Variants in BST1 observed in about 807,000 individuals in gnomAD.
The protein encoded by BST1 is ADP-ribosyl cyclase/cyclic ADP-ribose hydrolase 2.
In BST1, 49 loss-of-function variants were observed where a neutral mutation model predicts 40.6. The ratio of observed to expected loss-of-function variants is 1.21; its 90% confidence interval spans 0.96 to 1.53. The LOEUF is 1.53. Ranked by LOEUF, BST1 falls within the 40% of genes most tolerant of loss-of-function variation. BST1 has a pLI of 0.00. For synonymous variants in BST1, 157 were observed against 159.3 expected (o/e 0.99, Z 0.11); for missense variants, 423 against 395.9 (o/e 1.07, Z -0.58).
intron 6 of BST1, among the ~76,000 whole-genome samples, chr4:15,716,286 TAAATGC>T (rs1206360424): frequency 2.6e-5 from 4 of 152,222 alleles, no homozygotes; most frequent in Non-Finnish European, 5.9e-5. Context: ...AGTTTACATG[TAAATGC>T]AAACTTAAAC....
chr4:15,712,997 A>G (rs1397899093), intron 4 of BST1, among the ~76,000 whole-genome samples: 1 of 152,162 alleles, frequency 6.6e-6, no homozygotes, highest in Non-Finnish European at 1.5e-5. Context: ...CCAGACTTCC[A>G]AGAGTGTGCT....
intron 8 of BST1, among the ~76,000 whole-genome samples, chr4:15,724,045 A>AGT (rs1225698427): frequency 1.3e-5 from 2 of 152,148 alleles, no homozygotes; most frequent in Non-Finnish European, 2.9e-5. Flanking sequence ...ATCCAACTCA[A>AGT]GTGTTCTTTG....
At chr4:15,755,455 A>T in the BST1 span, among the ~76,000 whole-genome samples, 3 of 152,162 alleles carry the variant, frequency 2.0e-5, no homozygotes, top group South Asian at 6.2e-4. Context: ...TCTTATAAAC[A>T]ATGCTGCAAT....
chr4:15,714,003 T>C (rs867317980), intron 4 of BST1, among the ~76,000 whole-genome samples: 25 of 152,152 alleles, frequency 1.6e-4, no homozygotes, highest in South Asian at 1.4e-3. Context: ...AGCGCCTGAC[T>C]CTGCACACAT....
chr4:15,746,625 AC>A, the BST1 span, among the ~76,000 whole-genome samples: 1 of 152,002 alleles, frequency 6.6e-6, no homozygotes, highest in Non-Finnish European at 1.5e-5. Flanking sequence ...TAAAGGCCCC[AC>A]CCCTTAATAT....
downstream of BST1, among the ~76,000 whole-genome samples, chr4:15,738,654 T>G (rs1478041741): frequency 6.6e-6 from 1 of 152,252 alleles, no homozygotes; most frequent in Non-Finnish European, 1.5e-5. Context: ...GCTTACCTGT[T>G]TGAAGTTCAG....
chr4:15,718,848 C>A, intron 6 of BST1, 59 bp from the exon 7 acceptor site: 2 of 1,451,068 alleles, frequency 1.4e-6, no homozygotes, highest in Non-Finnish European at 1.9e-6. Context: ...AACCCAGAAA[C>A]AACTTCCTCT....
At chr4:15,765,462 T>C in the BST1 span, among the ~76,000 whole-genome samples, 1 of 151,924 alleles carries the variant, frequency 6.6e-6, no homozygotes, top group South Asian at 2.1e-4. Context: ...CCGTTTCTGC[T>C]CAACAAACAG....
At chr4:15,753,748 CA>C in the BST1 span, among the ~76,000 whole-genome samples, 1 of 152,358 alleles carries the variant, frequency 6.6e-6, no homozygotes, top group South Asian at 2.1e-4. Context: ...ACACAGATAG[CA>C]CACTCAAATC....
At chr4:15,768,618 C>G in the BST1 span, among the ~76,000 whole-genome samples, 5 of 151,858 alleles carry the variant, frequency 3.3e-5, no homozygotes, top group South Asian at 6.2e-4. Flanking sequence ...CTCAGCCTCC[C>G]GAGTAGCTGG....
chr4:15,712,966 G>A (rs1458768575), intron 4 of BST1, among the ~76,000 whole-genome samples: 1 of 152,156 alleles, frequency 6.6e-6, no homozygotes, highest in East Asian at 1.9e-4. Flanking sequence ...AAGGAACCAT[G>A]TATTTTACCC....
chr4:15,743,562 C>T, the BST1 span: 1 of 359,130 alleles, frequency 2.8e-6, no homozygotes, highest in Non-Finnish European at 5.5e-6. Context: ...CTGGGAGATG[C>T]TGATGGCACA....
rs371156575 is a variant in BST1 at position 15,705,369 on chromosome 4, A to C, written c.189-146A>C. ...GATTTCTGAATCTGTCACCTAAGCCATGACAATTCGTTGTCTTTTTTGTAA... is the reference window on the plus strand; with the variant it reads ...GATTTCTGAATCTGTCACCTAAGCCCTGACAATTCGTTGTCTTTTTTGTAA... On this transcript the variant is annotated intron_variant, in intron 1 of 8. Transcript: ENST00000265016. 4.3e-6 allele frequency: 4 copies of C among 931,152 alleles called. No individual in the cohort carries two copies. In the African/African-American group the frequency reaches 6.7e-5, roughly 16 times the overall value. The allele number at this position is 931,152 out of a possible 1,614,324, so 57.7% of individuals were successfully genotyped here. A position where few individuals can be genotyped will look rare whatever the true frequency, so the allele number is the denominator to read the frequency against.
chr4:15,722,690 C>T (rs1420228435), intron 7 of BST1, among the ~76,000 whole-genome samples, 185 bp from the exon 8 acceptor site: 1 of 151,118 alleles, frequency 6.6e-6, no homozygotes, highest in African/African-American at 2.4e-5. Flanking sequence ...GCCTCAACCT[C>T]CCAAAGTGCT....
intron 8 of BST1, among the ~76,000 whole-genome samples, chr4:15,730,663 GC>G (rs1721325439): frequency 2.0e-5 from 3 of 152,308 alleles, no homozygotes; most frequent in East Asian, 1.9e-4. Context: ...GTCTAGAGAA[GC>G]TTTTTGCTCA....
intron 3 of BST1, among the ~76,000 whole-genome samples, 197 bp downstream of exon 3, chr4:15,707,843 C>CTT: frequency 9.3e-6 from 1 of 108,006 alleles, no homozygotes; most frequent in Non-Finnish European, 2.0e-5. Flanking sequence ...CACTCTCTCT[C>CTT]TCTCTCTCTC....
chr4:15,739,042 T>G (rs528375474), downstream of BST1, among the ~76,000 whole-genome samples: 6 of 152,316 alleles, frequency 3.9e-5, no homozygotes, highest in African/African-American at 1.4e-4. Flanking sequence ...CACAGGCATT[T>G]GAAACCCAGA....
intron 3 of BST1, among the ~76,000 whole-genome samples, chr4:15,708,689 G>C (rs532410771): frequency 3.5e-4 from 54 of 152,200 alleles, no homozygotes; most frequent in African/African-American, 1.2e-3. Flanking sequence ...GATTAGCCTG[G>C]CCAACATGAA....
chr4:15,739,213 G>T (rs1432944962), downstream of BST1, among the ~76,000 whole-genome samples: 6 of 152,204 alleles, frequency 3.9e-5, no homozygotes, highest in Non-Finnish European at 8.8e-5. Flanking sequence ...AATGAAGCAG[G>T]TTGGAAAATC....
Sources: gnomAD v4.1 joint callset for allele counts (sites outside exome capture counted in the v4.1 genomes callset) on GRCh38, gnomAD v4.1.1 for gene constraint, MANE v1.5 for transcripts, NCBI Gene and HGNC (gene_info 2026-07-23, HGNC 2026-07-21) for gene names.